Variants in EXOC4 observed in about 807,000 individuals in gnomAD.
The protein encoded by EXOC4 is SEC8-like 1.
Under a neutral mutation model 107.2 loss-of-function variants are expected in EXOC4, and 71 were observed. The ratio of observed to expected loss-of-function variants is 0.66; its 90% confidence interval spans 0.55 to 0.81. EXOC4 has a LOEUF of 0.81. EXOC4 is among the 30% of genes least tolerant of loss of function. The pLI is 0.00. For synonymous variants in EXOC4, 456 were observed against 441.2 expected (o/e 1.03, Z -0.42); for missense variants, 1,108 against 1,189.6 (o/e 0.93, Z 1.01).
chr7:133,402,558 G>C (rs965407894), intron 7 of EXOC4, among the ~76,000 whole-genome samples: 1 of 152,158 alleles, frequency 6.6e-6, no homozygotes, highest in Non-Finnish European at 1.5e-5. Flanking sequence ...GAGTGCAGTG[G>C]CACCATCTTG....
rs192370672 is a variant in EXOC4 at position 133,478,566 on chromosome 7, G to A, written c.1329-1484G>A. 2.5e-4 allele frequency among the ~76,000 whole-genome samples: 38 copies of A among 152,224 alleles called. 1 individual carries two copies. Among genetic ancestry groups the A allele is most frequent in the Non-Finnish European group, 2.9e-5 (2 of 68,022 alleles). Reference sequence around the variant, plus strand: ...TTTTACTGCAAAATTATATCAGTCTGTGACTTGTTGCAGACATAAAAAGAA... The same window carrying A: ...TTTTACTGCAAAATTATATCAGTCTATGACTTGTTGCAGACATAAAAAGAA... On this transcript the variant is annotated intron_variant, in intron 8 of 17. Coordinates refer to ENST00000253861, the MANE Select transcript of EXOC4 (RefSeq NM_021807.4).
intron 17 of EXOC4, among the ~76,000 whole-genome samples, chr7:134,009,511 A>G (rs1794720147): frequency 6.6e-6 from 1 of 152,112 alleles, no homozygotes; most frequent in South Asian, 2.1e-4. Context: ...GAGAGAGAGA[A>G]AGTGAATGAG....
chr7:133,931,034 T>C (rs1297950103), intron 13 of EXOC4, among the ~76,000 whole-genome samples: 2 of 152,108 alleles, frequency 1.3e-5, no homozygotes, highest in African/African-American at 4.8e-5. Context: ...AACACAACCT[T>C]CAATTGTAAA....
At chr7:133,502,272 C>A (rs1409627481) in intron 9 of EXOC4, among the ~76,000 whole-genome samples, 1 of 151,946 alleles carries the variant, frequency 6.6e-6, no homozygotes, top group Admixed American at 6.6e-5. Flanking sequence ...ATGGAAGAAC[C>A]TGAAAGGACT....
intron 13 of EXOC4, among the ~76,000 whole-genome samples, chr7:133,919,292 CT>C (rs1333532159): frequency 1.3e-5 from 2 of 152,108 alleles, no homozygotes; most frequent in African/African-American, 4.8e-5. Flanking sequence ...CCCCTTACAC[CT>C]CCCCCAACCA....
chr7:134,014,458 G>T lies in EXOC4; in HGVS notation c.2687+6623G>T, dbSNP rs186865192. ...TCAACGTATGGATGAATAGAACGTG[G>T]TACATTCATACAATGGAGTTTATTT... is the stretch of plus-strand genomic sequence containing the variant. On this transcript the variant is annotated intron_variant, in intron 17 of 17. Coordinates refer to ENST00000253861, the MANE Select transcript of EXOC4 (RefSeq NM_021807.4). Among the ~76,000 whole-genome samples, 892 of 152,226 alleles carry T rather than the reference G, an allele frequency of 5.9e-3. 3 individuals are homozygous for T. The highest frequency in any genetic ancestry group is 9.0e-3 in the Non-Finnish European group (611 of 68,026).
intron 13 of EXOC4, among the ~76,000 whole-genome samples, chr7:133,931,020 C>T (rs1800164258): frequency 6.6e-6 from 1 of 151,186 alleles, no homozygotes; most frequent in Non-Finnish European, 1.5e-5. Context: ...TTTGATGTCT[C>T]AGAAACACAA....
chr7:133,589,175 T>G (rs980408525), intron 9 of EXOC4, among the ~76,000 whole-genome samples: 1 of 152,218 alleles, frequency 6.6e-6, no homozygotes, highest in Non-Finnish European at 1.5e-5. Flanking sequence ...CAGTGCCATC[T>G]TTTTTACATT....
At chr7:133,975,514 A>T (rs932796089) in intron 14 of EXOC4, among the ~76,000 whole-genome samples, 1 of 152,196 alleles carries the variant, frequency 6.6e-6, no homozygotes, top group African/African-American at 2.4e-5. Context: ...CACAGCAAAG[A>T]AAGTAAACAC....
At chr7:133,264,852 A>G (rs1278355518) in intron 1 of EXOC4, among the ~76,000 whole-genome samples, 1 of 152,112 alleles carries the variant, frequency 6.6e-6, no homozygotes, top group East Asian at 1.9e-4. Flanking sequence ...TTTCCTCTTC[A>G]GTTTGTACTT....
At chr7:133,971,361 T>TATATATAG (rs1489958236) in intron 14 of EXOC4, among the ~76,000 whole-genome samples, 193 of 75,028 alleles carry the variant, frequency 2.6e-3, no homozygotes, top group Middle Eastern at 7.1e-3. Context: ...TATATATATA[T>TATATATAG]AGAGAGAGAG....
rs1328129506 is a variant in EXOC4 at position 133,275,042 on chromosome 7, A to G, written c.147A>G (p.Glu49=). ...AAAATGAAAAGGGTCGCCTTGAAGA[A>G]GCCTACGAGAAATGTGACCGTGACC... ...DRENEKGRLE[E]AYEKCDRDLD... Residue 49 remains glutamate (E), a synonymous_variant, in exon 2 of 18, where the codon GAA becomes GAG. Coordinates refer to ENST00000253861, the MANE Select transcript of EXOC4 (RefSeq NM_021807.4). 1 of 1,613,776 alleles carries G rather than the reference A, an allele frequency of 6.2e-7. No individual in the cohort carries two copies. The highest frequency in any genetic ancestry group is 1.7e-5 in the Admixed American group (1 of 59,984).
intron 9 of EXOC4, among the ~76,000 whole-genome samples, chr7:133,592,507 A>T (rs1177604228): frequency 6.6e-6 from 1 of 152,158 alleles, no homozygotes; most frequent in African/African-American, 2.4e-5. Context: ...CAGTGGTGCA[A>T]TCTCGGCTCA....
intron 7 of EXOC4, among the ~76,000 whole-genome samples, chr7:133,404,297 GT>G (rs1797161547): frequency 6.6e-6 from 1 of 152,074 alleles, no homozygotes; most frequent in African/African-American, 2.4e-5. Flanking sequence ...TAGAGACGGG[GT>G]TTCACTGTGT....
At chr7:133,280,501 C>G (rs1435474679) in intron 2 of EXOC4, among the ~76,000 whole-genome samples, 1 of 152,126 alleles carries the variant, frequency 6.6e-6, no homozygotes, top group Non-Finnish European at 1.5e-5. Context: ...TAGTCTAATG[C>G]TTATCACTGG....
chr7:133,977,746 G>T (rs1415903976), intron 14 of EXOC4, among the ~76,000 whole-genome samples: 1,857 of 149,548 alleles, frequency 0.012, 35 homozygotes, highest in African/African-American at 0.043. Context: ...TTTTGTGTGT[G>T]TGTGTGTGTG....
chr7:133,540,952 G>A (rs1024930905), intron 9 of EXOC4, among the ~76,000 whole-genome samples: 5 of 151,788 alleles, frequency 3.3e-5, no homozygotes, highest in African/African-American at 7.3e-5. Context: ...CTTTTTTGAC[G>A]TTATTAACAA....
intron 10 of EXOC4, among the ~76,000 whole-genome samples, chr7:133,788,341 T>A (rs917538906): frequency 1.3e-5 from 2 of 152,012 alleles, no homozygotes; most frequent in Non-Finnish European, 2.9e-5. Flanking sequence ...TCCACTTAGA[T>A]GTCTAATCAG....
intron 7 of EXOC4, among the ~76,000 whole-genome samples, chr7:133,420,254 A>C (rs2150757732): frequency 6.7e-6 from 1 of 149,426 alleles, no homozygotes; most frequent in South Asian, 2.2e-4. Flanking sequence ...GTTTACTGAG[A>C]ATGATGATTT....
Sources: gnomAD v4.1 joint callset for allele counts (sites outside exome capture counted in the v4.1 genomes callset) on GRCh38, gnomAD v4.1.1 for gene constraint, MANE v1.5 for transcripts, NCBI Gene and HGNC (gene_info 2026-07-23, HGNC 2026-07-21) for gene names.